Variants in ETFA observed in about 807,000 individuals in gnomAD.
ETFA encodes electron transfer flavoprotein subunit alpha, mitochondrial.
ETFA carries 22 observed loss-of-function variants against 46.2 expected under a neutral mutation model. The ratio of observed to expected loss-of-function variants is 0.48; its 90% CI spans 0.34 to 0.68. ETFA has a LOEUF of 0.68. Ranked by LOEUF, ETFA falls within the 30% of genes least tolerant of loss-of-function variation. The pLI is 0.01. For synonymous variants in ETFA, 131 were observed against 139.9 expected (o/e 0.94, Z 0.45); for missense variants, 345 against 401.1 (o/e 0.86, Z 1.19).
At chr15:76,231,257 A>G in intron 10 of ETFA, 76 bp downstream of exon 10, 1 of 893,816 alleles carries the variant, frequency 1.1e-6, no homozygotes, top group South Asian at 1.3e-5. Flanking sequence ...CATTGTAACT[A>G]CATGGAAACA....
At chr15:76,269,942 G>C (rs1462569645) in intron 9 of ETFA, among the ~76,000 whole-genome samples, 2 of 152,152 alleles carry the variant, frequency 1.3e-5, no homozygotes, top group African/African-American at 4.8e-5. Flanking sequence ...CAAAAGATTT[G>C]AACAGGCACT....
At chr15:76,271,952 G>C (rs1046230472) in intron 9 of ETFA, among the ~76,000 whole-genome samples, 1 of 151,038 alleles carries the variant, frequency 6.6e-6, no homozygotes, top group African/African-American at 2.4e-5. Flanking sequence ...CTGAGTTAAT[G>C]AATCAAAATT....
chr15:76,310,837 AGCCT>A lies in ETFA; in HGVS notation c.39+509_39+512del, dbSNP rs533326222. On this transcript the variant is annotated intron_variant, in intron 1 of 11. Transcript: ENST00000557943. ...AACCAGCTTCCATAACTGGCCACGCAGCCTCCCACCCCACCCCACCCCCGCCCTT... is the reference window on the plus strand; with the variant it reads ...AACCAGCTTCCATAACTGGCCACGCACCCACCCCACCCCACCCCCGCCCTT... Among the ~76,000 whole-genome samples, 348 of 151,912 alleles carry A rather than the reference AGCCT, an allele frequency of 2.3e-3. 1 individual carries two copies. The highest frequency in any genetic ancestry group is 8.1e-3 in the African/African-American group (332 of 41,212).
chr15:76,237,107 C>T (rs894528953), intron 9 of ETFA, among the ~76,000 whole-genome samples: 2 of 152,208 alleles, frequency 1.3e-5, no homozygotes, highest in African/African-American at 2.4e-5. Flanking sequence ...GGCTGGAGTG[C>T]AGTGGCACGA....
rs1379336424 is a variant in ETFA at position 76,272,805 on chromosome 15, A to AATATATATATAT, written c.816+1606_816+1607insATATATATATAT. On this transcript the variant is annotated intron_variant, in intron 9 of 11. Coordinates refer to ENST00000557943, the MANE Select transcript of ETFA (RefSeq NM_000126.4). ...AACATAGCAAGACCCTGTCTCTTAA[A>AATATATATATAT]ATATATACATATATATATATATATA... 1.8e-4 allele frequency among the ~76,000 whole-genome samples: 14 copies of AATATATATATAT among 78,558 alleles called. No individual in the cohort carries two copies. The South Asian group carries it at 3.1e-3, about 18-fold the overall frequency. 51.5% of individuals were successfully genotyped at this position (78,558 alleles called of 152,430 possible).
chr15:76,229,294 A>G (rs1002737098), intron 10 of ETFA, among the ~76,000 whole-genome samples: 3 of 152,242 alleles, frequency 2.0e-5, no homozygotes, highest in African/African-American at 4.8e-5. Context: ...CAAGGGCTAT[A>G]TCTTTTTAAG....
intron 9 of ETFA, among the ~76,000 whole-genome samples, chr15:76,245,741 T>G (rs2039237199): frequency 6.6e-6 from 1 of 152,210 alleles, no homozygotes; most frequent in South Asian, 2.1e-4. Context: ...TCCCTGGCAT[T>G]AGAAAACAGA....
rs1049402780 is a variant in ETFA at position 76,235,421 on chromosome 15, T to C, written c.817-4023A>G. ...AACTTTCCAACAGATGGCAGTAAAG[T>C]AACTTGAGACACCAGTACTTTATAA... On this transcript the variant is annotated intron_variant, in intron 9 of 11. Transcript: ENST00000557943. Among the ~76,000 whole-genome samples, 3 of 152,174 alleles carry C rather than the reference T, an allele frequency of 2.0e-5. No individual in the cohort carries two copies. The South Asian group carries it at 6.2e-4, about 32-fold the overall frequency.
intron 9 of ETFA, among the ~76,000 whole-genome samples, chr15:76,253,148 A>T (rs772016853): frequency 1.3e-5 from 2 of 152,162 alleles, no homozygotes; most frequent in Non-Finnish European, 2.9e-5. Flanking sequence ...AGAGGAGAAG[A>T]AGTCTTTGTT....
At chr15:76,301,691 G>A (rs2141551825) in intron 1 of ETFA, among the ~76,000 whole-genome samples, 1 of 144,734 alleles carries the variant, frequency 6.9e-6, no homozygotes, top group African/African-American at 2.6e-5. Flanking sequence ...GCCTAGGCGA[G>A]AGAGACTCCA....
chr15:76,299,891 T>A (rs1344108159), intron 1 of ETFA, among the ~76,000 whole-genome samples: 1 of 152,146 alleles, frequency 6.6e-6, no homozygotes, highest in African/African-American at 2.4e-5. Flanking sequence ...TTTACCCTGG[T>A]TCCTTCTCAT....
At position 76,287,897 on chromosome 15, in the gene ETFA, C is replaced by G. The variant is rs372537478; in HGVS notation, c.400G>C (p.Asp134His). 6.2e-7 allele frequency: 1 copy of G among 1,613,846 alleles called. No homozygotes were observed. Among genetic ancestry groups the G allele is most frequent in the African/African-American group, 1.3e-5 (1 of 74,894 alleles). Residue 134 changes from aspartate to histidine, a missense_variant, in exon 5 of 12, where the codon GAC (aspartate) becomes CAC (histidine). By Grantham distance (81) the Asp-to-His change is moderately conservative (BLOSUM62 -1). Transcript: ENST00000557943. ...AAKLEVAPIS[D>H]IIAIKSPDTF... ...TCAGGTGACTTGATTGCAATGATGT[C>G]AGAAATCGGGGCAACCTCAAGTTTG...
Position 76,248,581 on chromosome 15 carries a change from A to T in ETFA, c.817-17183T>A, listed in dbSNP as rs111962717. Among the ~76,000 whole-genome samples the T allele has an allele frequency of 1.7e-3, 266 of 152,330 alleles. 1 individual carries two copies. The highest frequency in any genetic ancestry group is 3.4e-3 in the Non-Finnish European group (232 of 68,032). On this transcript the variant is annotated intron_variant, in intron 9 of 11. Coordinates refer to ENST00000557943, the MANE Select transcript of ETFA (RefSeq NM_000126.4). ...GCTCTATCAAAAGGTATTATTTTTT[A>T]AAATGGAAAAGACAGACATAAATGA... is the stretch of plus-strand genomic sequence containing the variant.
chr15:76,242,176 C>A (rs2039199052), intron 9 of ETFA, among the ~76,000 whole-genome samples: 1 of 152,110 alleles, frequency 6.6e-6, no homozygotes, highest in Non-Finnish European at 1.5e-5. Context: ...TTAATTGATC[C>A]AAGTCAAAAC....
In ETFA at chr15:76,286,428, G is replaced by A. The variant is rs369713466; in HGVS notation, c.505C>T (p.Arg169Cys). ...CDEKVKVFSV[R>C]GTSFDAAATS... The stretch of plus-strand genomic sequence containing the variant: ...GCTGCAGCATCAAAGGATGTTCCAC[G>A]GACAGAAAACACTTTCACTTTCTCA... Residue 169 changes from arginine to cysteine, a missense_variant, in exon 6 of 12, where the codon CGT becomes TGT. Transcript: ENST00000557943. 1.5e-5 allele frequency: 24 copies of A among 1,613,474 alleles called. No homozygotes were observed. The African/African-American group carries it at 2.4e-4, about 16-fold the overall frequency.
At chr15:76,275,528 T>C (rs2039582247) in intron 8 of ETFA, among the ~76,000 whole-genome samples, 1 of 152,220 alleles carries the variant, frequency 6.6e-6, no homozygotes, top group African/African-American at 2.4e-5. Context: ...ACCATATAGT[T>C]GGGTCTTACT....
intron 1 of ETFA, among the ~76,000 whole-genome samples, chr15:76,308,313 G>A (rs1016563121): frequency 1.2e-4 from 18 of 152,238 alleles, no homozygotes; most frequent in Middle Eastern, 3.4e-3. Context: ...TCAATGAATC[G>A]CCTCACAAAT....
intron 9 of ETFA, among the ~76,000 whole-genome samples, chr15:76,248,203 T>C (rs2039261830): frequency 6.6e-6 from 1 of 152,162 alleles, no homozygotes; most frequent in Non-Finnish European, 1.5e-5. Flanking sequence ...AACTGGCCAA[T>C]GGGACAGAAT....
Position 76,305,172 on chromosome 15 carries a change from T to C in ETFA, c.39+6178A>G, listed in dbSNP as rs555784631. ...ATATCCTTTCAGTGTTTTCCAGTCC[T>C]CTAACAAGATTAAACCTCTCCCAAA... On this transcript the variant is annotated intron_variant, in intron 1 of 11. Coordinates refer to ENST00000557943, the MANE Select transcript of ETFA (RefSeq NM_000126.4). 2.6e-4 allele frequency among the ~76,000 whole-genome samples: 40 copies of C among 151,488 alleles called. No homozygotes were observed. In the South Asian group the frequency reaches 7.9e-3, roughly 30 times the overall value.
Sources: gnomAD v4.1 joint callset for allele counts (sites outside exome capture counted in the v4.1 genomes callset) on GRCh38, gnomAD v4.1.1 for gene constraint, MANE v1.5 for transcripts, NCBI Gene and HGNC (gene_info 2026-07-23, HGNC 2026-07-21) for gene names.